Variants in CDH12 observed in about 807,000 individuals in gnomAD.
CDH12 encodes cadherin 12.
In CDH12, 41 loss-of-function variants were observed where a neutral mutation model predicts 74.1. That is an observed-to-expected ratio of 0.55 (90% confidence interval 0.43 to 0.72). CDH12 has a LOEUF of 0.72. Ranked by LOEUF, CDH12 falls within the 30% of genes least tolerant of loss-of-function variation. CDH12 has a pLI of 0.00. For missense variants in CDH12, 945 were observed against 977.2 expected, an observed-to-expected ratio of 0.97 and a Z score of 0.44; for synonymous variants, 399 against 355.0, an observed-to-expected ratio of 1.12 and a Z score of -1.39.
chr5:22,803,694 A>C (rs976106127), intron 1 of CDH12, among the ~76,000 whole-genome samples: 7 of 152,212 alleles, frequency 4.6e-5, no homozygotes, highest in Admixed American at 4.6e-4. Context: ...TCATATCTAT[A>C]GAAAATTTAT....
At chr5:22,045,525 C>G (rs2150187802) in intron 5 of CDH12, among the ~76,000 whole-genome samples, 1 of 148,898 alleles carries the variant, frequency 6.7e-6, no homozygotes, top group East Asian at 2.0e-4. Context: ...GCCAAGATAT[C>G]TAATCAACTT....
intron 1 of CDH12, among the ~76,000 whole-genome samples, chr5:22,792,692 T>C (rs1258688461): frequency 6.6e-6 from 1 of 152,158 alleles, no homozygotes; most frequent in Non-Finnish European, 1.5e-5. Flanking sequence ...TTTGAGTCGG[T>C]TCTGAGGAAT....
intron 1 of CDH12, among the ~76,000 whole-genome samples, chr5:22,526,941 C>T (rs930753035): frequency 6.6e-6 from 1 of 152,126 alleles, no homozygotes; most frequent in African/African-American, 2.4e-5. Flanking sequence ...GAAATTATCT[C>T]ATGGTGGGTT....
intron 5 of CDH12, among the ~76,000 whole-genome samples, chr5:22,047,816 A>G (rs536212066): frequency 1.3e-5 from 2 of 152,214 alleles, no homozygotes; most frequent in South Asian, 4.2e-4. Context: ...TCTTTTAACT[A>G]CTCAGTGTCC....
chr5:22,413,029 A>G (rs1428155992), intron 2 of CDH12, among the ~76,000 whole-genome samples: 1 of 151,942 alleles, frequency 6.6e-6, no homozygotes, highest in Non-Finnish European at 1.5e-5. Flanking sequence ...TCTTTCATTC[A>G]CAATAACTCT....
chr5:22,438,981 G>A (rs1313762591), intron 2 of CDH12, among the ~76,000 whole-genome samples: 1 of 151,878 alleles, frequency 6.6e-6, no homozygotes, highest in Non-Finnish European at 1.5e-5. Context: ...CAGACAGTGA[G>A]AAATTAGCTT....
At chr5:22,473,003 C>T (rs145242681) in intron 2 of CDH12, among the ~76,000 whole-genome samples, 1 of 152,260 alleles carries the variant, frequency 6.6e-6, no homozygotes, top group African/African-American at 2.4e-5. Context: ...TGATCTGTCC[C>T]TAGAATTCTT....
chr5:22,231,900 A>G (rs1435248180), intron 3 of CDH12, among the ~76,000 whole-genome samples: 1 of 152,008 alleles, frequency 6.6e-6, no homozygotes, highest in Non-Finnish European at 1.5e-5. Context: ...GAAATGCAAT[A>G]AAGAATTTAC....
At chr5:22,428,291 C>T (rs566461963) in intron 2 of CDH12, among the ~76,000 whole-genome samples, 1 of 151,970 alleles carries the variant, frequency 6.6e-6, no homozygotes, top group South Asian at 2.1e-4. Flanking sequence ...CCATTTTTAT[C>T]TATAGCGGAA....
chr5:22,216,448 T>C (rs960344759), intron 3 of CDH12, among the ~76,000 whole-genome samples: 4 of 151,970 alleles, frequency 2.6e-5, no homozygotes, highest in Admixed American at 2.0e-4. Context: ...GATTCAGCTA[T>C]TACCTCCCTA....
chr5:22,736,733 C>CAA (rs554861937), intron 1 of CDH12, among the ~76,000 whole-genome samples: 2 of 151,720 alleles, frequency 1.3e-5, no homozygotes, highest in South Asian at 4.1e-4. Flanking sequence ...CACACACACA[C>CAA]AAAAAGCCTA....
chr5:22,101,213 T>C (rs7710738), intron 4 of CDH12, among the ~76,000 whole-genome samples: 89,921 of 151,682 alleles, frequency 0.59, 27,231 homozygotes, highest in African/African-American at 0.72. Flanking sequence ...CACCGAGACT[T>C]TTACTGAGCA....
intron 1 of CDH12, among the ~76,000 whole-genome samples, chr5:22,585,229 C>T (rs879403533): frequency 2.0e-5 from 3 of 152,154 alleles, no homozygotes; most frequent in Admixed American, 2.0e-4. Context: ...TTTAATTCCA[C>T]TATGTCTTCC....
chr5:22,488,141 C>T (rs1746686002), intron 2 of CDH12, among the ~76,000 whole-genome samples: 1 of 152,132 alleles, frequency 6.6e-6, no homozygotes, highest in Admixed American at 6.5e-5. Context: ...TTTGACACAC[C>T]TCATACAGAA....
At chr5:21,972,859 C>T (rs1325218254) in intron 6 of CDH12, among the ~76,000 whole-genome samples, 1 of 151,416 alleles carries the variant, frequency 6.6e-6, no homozygotes, top group Admixed American at 6.6e-5. Context: ...TAATTCATAC[C>T]ATGTGGTAAA....
At chr5:22,811,072 T>C (rs1749121582) in intron 1 of CDH12, among the ~76,000 whole-genome samples, 1 of 151,740 alleles carries the variant, frequency 6.6e-6, no homozygotes, top group Non-Finnish European at 1.5e-5. Flanking sequence ...CGTATATGTA[T>C]ACATACATAT....
chr5:22,220,029 T>C (rs766648275), intron 3 of CDH12, among the ~76,000 whole-genome samples: 4 of 151,826 alleles, frequency 2.6e-5, no homozygotes, highest in Admixed American at 6.6e-5. Flanking sequence ...GCAGGCTTAA[T>C]GTATATCACC....
At chr5:22,002,624 T>A (rs1428828725) in intron 5 of CDH12, among the ~76,000 whole-genome samples, 2 of 152,124 alleles carry the variant, frequency 1.3e-5, no homozygotes, top group African/African-American at 4.8e-5. Flanking sequence ...AAATTCACTT[T>A]TTTATAAAAT....
rs561957420 is a variant in CDH12 at position 22,153,769 on chromosome 5, A to G, written c.-187+58729T>C. On this transcript the variant is annotated intron_variant, in intron 4 of 14. Transcript: ENST00000382254. ...AAACATGTTCATTGCAACATTATTC[A>G]CAGGGGCCAAGATATGAAATCAACC... Among the ~76,000 whole-genome samples, 508 of 148,494 alleles carry G rather than the reference A, an allele frequency of 3.4e-3. 3 individuals carry two copies. Among genetic ancestry groups the G allele is most frequent in the Non-Finnish European group, 3.7e-3 (246 of 67,268 alleles).
Sources: allele counts gnomAD v4.1 joint callset (sites outside exome capture counted in the v4.1 genomes callset), GRCh38; gene constraint gnomAD v4.1.1; transcripts MANE v1.5; gene names NCBI Gene and HGNC (gene_info 2026-07-23, HGNC 2026-07-21).